The following CSMD1 variants were observed in gnomAD, a reference collection of about 807,000 sequenced individuals.
The protein encoded by CSMD1 is CUB and sushi domain-containing protein 1.
In CSMD1, 213 loss-of-function variants were observed where a neutral mutation model predicts 417.5. The ratio of observed to expected loss-of-function variants is 0.51; its 90% CI spans 0.46 to 0.57. The LOEUF (loss-of-function observed/expected upper bound fraction) is 0.57. Ranked by LOEUF, CSMD1 falls within the 20% of genes least tolerant of loss-of-function variation. The probability of loss-of-function intolerance (pLI) is 0.00; values close to 1 mark genes in which losing one functional copy is unlikely to be tolerated. For missense variants in CSMD1, 6,923 were observed against 4,529.7 expected, an observed-to-expected ratio of 1.53 and a Z score of -15.17; for synonymous variants, 2,862 against 1,736.8, an observed-to-expected ratio of 1.65 and a Z score of -16.11.
At chr8:4,516,281 C>G (rs997374034) in intron 2 of CSMD1, among the ~76,000 whole-genome samples, 5 of 152,130 alleles carry the variant, frequency 3.3e-5, no homozygotes, top group African/African-American at 9.7e-5. Flanking sequence ...TCAGGAGAAA[C>G]CAACCCCACT....
At chr8:4,197,766 C>G (rs987157770) in intron 3 of CSMD1, among the ~76,000 whole-genome samples, 2 of 152,120 alleles carry the variant, frequency 1.3e-5, no homozygotes, top group South Asian at 2.1e-4. Flanking sequence ...GTAATCCCAG[C>G]TACTTGGGAG....
At chr8:2,997,865 A>G in intron 54 of CSMD1, 146 bp downstream of exon 54, 1 of 727,690 alleles carries the variant, frequency 1.4e-6, no homozygotes. Flanking sequence ...GCTTACTCTC[A>G]GAAATGCTTT....
chr8:3,473,570 C>T (rs1017409249), intron 11 of CSMD1, among the ~76,000 whole-genome samples: 11 of 152,012 alleles, frequency 7.2e-5, no homozygotes, highest in Admixed American at 4.6e-4. Context: ...AATATTGTTG[C>T]CCTTTGCAAC....
At chr8:4,788,030 A>C in intron 1 of CSMD1, 1 of 1,589,988 alleles carries the variant, frequency 6.3e-7, no homozygotes, top group Non-Finnish European at 8.6e-7. Context: ...TAACTCCTGA[A>C]GGGCTCCAAA....
chr8:3,183,491 A>AG (rs1821557765), intron 36 of CSMD1, among the ~76,000 whole-genome samples: 1 of 48,166 alleles, frequency 2.1e-5, no homozygotes, highest in African/African-American at 1.2e-4. Context: ...AACGTTTCTT[A>AG]AAGATACCAT....
At chr8:4,190,939 G>A (rs944889782) in intron 3 of CSMD1, among the ~76,000 whole-genome samples, 4 of 151,064 alleles carry the variant, frequency 2.6e-5, no homozygotes, top group African/African-American at 4.9e-5. Flanking sequence ...CACAAACTGC[G>A]GCTCAGTGGA....
chr8:3,100,497 T>G (rs28657888), intron 46 of CSMD1, among the ~76,000 whole-genome samples: 7 of 152,094 alleles, frequency 4.6e-5, no homozygotes, highest in African/African-American at 9.7e-5. Flanking sequence ...GTCCTATAGC[T>G]GAGATGTTTA....
chr8:3,278,100 A>G (rs1262896559), intron 26 of CSMD1, among the ~76,000 whole-genome samples: 2 of 152,146 alleles, frequency 1.3e-5, no homozygotes, highest in African/African-American at 2.4e-5. Flanking sequence ...AAAATATATG[A>G]ATCAGCCAAA....
At chr8:3,477,588 T>C (rs1351314768) in intron 11 of CSMD1, among the ~76,000 whole-genome samples, 4 of 152,164 alleles carry the variant, frequency 2.6e-5, no homozygotes, top group Non-Finnish European at 1.5e-5. Context: ...ATACCAGTAA[T>C]GAGTTTCAGA....
intron 5 of CSMD1, among the ~76,000 whole-genome samples, chr8:3,782,582 A>G (rs1428988118): frequency 6.6e-6 from 1 of 152,204 alleles, no homozygotes; most frequent in African/African-American, 2.4e-5. Context: ...CCAACATGGC[A>G]CATGTAATCC....
chr8:4,421,681 T>TAA (rs1293237337), intron 2 of CSMD1, among the ~76,000 whole-genome samples: 1 of 151,966 alleles, frequency 6.6e-6, no homozygotes, highest in Non-Finnish European at 1.5e-5. Context: ...AAGACTCAGC[T>TAA]AAGCAGTGCT....
chr8:3,024,947 G>C (rs57415150), intron 51 of CSMD1, among the ~76,000 whole-genome samples: 1 of 151,230 alleles, frequency 6.6e-6, no homozygotes, highest in East Asian at 2.0e-4. Flanking sequence ...TTGGATACAC[G>C]TGCCCTAAAA....
intron 5 of CSMD1, among the ~76,000 whole-genome samples, chr8:3,819,707 C>G (rs1417615108): frequency 3.3e-5 from 5 of 152,124 alleles, no homozygotes; most frequent in African/African-American, 2.4e-5. Context: ...CAATCTCAGC[C>G]TCCTGGGGAA....
At chr8:3,925,692 C>T (rs1809606197) in intron 5 of CSMD1, among the ~76,000 whole-genome samples, 1 of 151,952 alleles carries the variant, frequency 6.6e-6, no homozygotes, top group Admixed American at 6.6e-5. Context: ...CTCTTGCCAC[C>T]ACCACGTAAG....
intron 3 of CSMD1, among the ~76,000 whole-genome samples, chr8:4,245,463 C>G (rs146487304): frequency 1.3e-5 from 2 of 152,008 alleles, no homozygotes; most frequent in African/African-American, 4.8e-5. Context: ...CACGAGACAC[C>G]CAACTCAGCA....
At chr8:4,466,349 G>C (rs1260496208) in intron 2 of CSMD1, among the ~76,000 whole-genome samples, 10 of 152,048 alleles carry the variant, frequency 6.6e-5, no homozygotes, top group Admixed American at 5.9e-4. Flanking sequence ...AGTTGACAGA[G>C]GTTGACAAGG....
At chr8:3,696,595 GA>G (rs966273289) in intron 7 of CSMD1, among the ~76,000 whole-genome samples, 31 of 152,136 alleles carry the variant, frequency 2.0e-4, no homozygotes, top group Admixed American at 1.5e-3. Context: ...GGCAGATCAG[GA>G]AAAAAATGAG....
intron 49 of CSMD1, among the ~76,000 whole-genome samples, chr8:3,067,838 A>T (rs186928197): frequency 1.1e-4 from 17 of 152,098 alleles, no homozygotes; most frequent in African/African-American, 4.1e-4. Flanking sequence ...CTGAATTCTC[A>T]TACTAACAAT....
intron 12 of CSMD1, among the ~76,000 whole-genome samples, chr8:3,455,984 G>A (rs1255401748): frequency 1.3e-5 from 2 of 151,906 alleles, no homozygotes; most frequent in African/African-American, 4.8e-5. Context: ...GGGCTGCTTT[G>A]TTTACCTACT....
Sources: gnomAD v4.1 joint callset for allele counts (sites outside exome capture counted in the v4.1 genomes callset) on GRCh38, gnomAD v4.1.1 for gene constraint, MANE v1.5 for transcripts, NCBI Gene and HGNC (gene_info 2026-07-23, HGNC 2026-07-21) for gene names.